Variants in POFUT3 observed in about 807,000 individuals in gnomAD.
POFUT3 encodes the protein GDP-fucose protein O-fucosyltransferase 3.
the POFUT3 span, among the ~76,000 whole-genome samples, chr8:33,387,686 C>A: frequency 1.3e-5 from 2 of 152,160 alleles, no homozygotes; most frequent in African/African-American, 4.8e-5. Context: ...TGCCTGTAGT[C>A]CCAGCTACTC....
chr8:33,455,416 C>T, the POFUT3 span, among the ~76,000 whole-genome samples: 1 of 152,092 alleles, frequency 6.6e-6, no homozygotes, highest in African/African-American at 2.4e-5. Flanking sequence ...CCCAGCTACT[C>T]AGGAGGCTGA....
At chr8:33,403,626 G>A in the POFUT3 span, among the ~76,000 whole-genome samples, 10 of 152,200 alleles carry the variant, frequency 6.6e-5, no homozygotes, top group South Asian at 2.1e-3. Context: ...AGAGTGTGAG[G>A]TGGGATGATG....
the POFUT3 span, among the ~76,000 whole-genome samples, chr8:33,359,316 C>T: frequency 6.6e-6 from 1 of 152,204 alleles, no homozygotes; most frequent in East Asian, 1.9e-4. Flanking sequence ...AGAAGGATCT[C>T]TAAGCCTCAA....
At chr8:33,435,833 AT>A in the POFUT3 span, among the ~76,000 whole-genome samples, 4 of 149,104 alleles carry the variant, frequency 2.7e-5, no homozygotes, top group African/African-American at 5.1e-5. Context: ...GTTTTTATAT[AT>A]TTTTTTTCAA....
chr8:33,310,375 A>G, the POFUT3 span, among the ~76,000 whole-genome samples: 1 of 152,198 alleles, frequency 6.6e-6, no homozygotes. Flanking sequence ...TTCTCTGTCC[A>G]CAGATGTGTT....
chr8:33,321,383 C>T, the POFUT3 span, among the ~76,000 whole-genome samples: 4 of 152,236 alleles, frequency 2.6e-5, no homozygotes, highest in East Asian at 7.7e-4. Context: ...CTTTTTCACT[C>T]ACACATCTGA....
At chr8:33,314,072 C>T in the POFUT3 span, among the ~76,000 whole-genome samples, 1 of 152,154 alleles carries the variant, frequency 6.6e-6, no homozygotes, top group Non-Finnish European at 1.5e-5. Context: ...TTAACACCAT[C>T]CCAATCTGCA....
chr8:33,364,066 T>C, the POFUT3 span, among the ~76,000 whole-genome samples: 3 of 152,302 alleles, frequency 2.0e-5, no homozygotes, highest in South Asian at 6.2e-4. Context: ...AAAAAGCTTA[T>C]CCACCATGAT....
chr8:33,454,913 G>A, the POFUT3 span, among the ~76,000 whole-genome samples: 1 of 151,992 alleles, frequency 6.6e-6, no homozygotes, highest in South Asian at 2.1e-4. Flanking sequence ...TGATCTGCCT[G>A]CCTCAGCCTC....
At chr8:33,451,517 C>T in the POFUT3 span, among the ~76,000 whole-genome samples, 2 of 150,972 alleles carry the variant, frequency 1.3e-5, no homozygotes, top group African/African-American at 4.9e-5. Flanking sequence ...TATGTGTGTA[C>T]ATATGTATAT....
chr8:33,429,485 A>C, the POFUT3 span, among the ~76,000 whole-genome samples: 2 of 152,314 alleles, frequency 1.3e-5, no homozygotes, highest in South Asian at 4.1e-4. Context: ...CTTTCTTCCA[A>C]GGAATAATAC....
chr8:33,338,657 G>T, the POFUT3 span, among the ~76,000 whole-genome samples: 1,930 of 152,286 alleles, frequency 0.013, 38 homozygotes, highest in African/African-American at 0.044. Context: ...TGCAGTATCA[G>T]TAGAGACCAT....
At chr8:33,369,055 T>C in the POFUT3 span, among the ~76,000 whole-genome samples, 1 of 152,230 alleles carries the variant, frequency 6.6e-6, no homozygotes, top group African/African-American at 2.4e-5. Flanking sequence ...CCAGGTACTA[T>C]CATCAACGAT....
the POFUT3 span, among the ~76,000 whole-genome samples, chr8:33,408,918 A>T: frequency 6.6e-6 from 1 of 152,032 alleles, no homozygotes; most frequent in African/African-American, 2.4e-5. Context: ...GCACACTTAA[A>T]ATGTGTGCAT....
At chr8:33,350,971 C>CTTTAT in the POFUT3 span, among the ~76,000 whole-genome samples, 1 of 152,000 alleles carries the variant, frequency 6.6e-6, no homozygotes, top group African/African-American at 2.4e-5. Context: ...CAACAAAGTT[C>CTTTAT]TTTATTTTTA....
At chr8:33,433,439 C>T in the POFUT3 span, among the ~76,000 whole-genome samples, 66 of 151,830 alleles carry the variant, frequency 4.3e-4, no homozygotes, top group African/African-American at 1.1e-3. Context: ...GGTGAAACCC[C>T]GTCTCTACTA....
the POFUT3 span, among the ~76,000 whole-genome samples, chr8:33,363,882 T>G: frequency 1.1e-4 from 16 of 152,072 alleles, no homozygotes; most frequent in Non-Finnish European, 2.2e-4. Flanking sequence ...ACTATTCCAA[T>G]CAATAGAAAA....
the POFUT3 span, among the ~76,000 whole-genome samples, chr8:33,470,655 G>A: frequency 2.6e-5 from 4 of 151,910 alleles, no homozygotes; most frequent in African/African-American, 9.7e-5. Flanking sequence ...CTCATCTCTA[G>A]AAAAAATATA....
the POFUT3 span, among the ~76,000 whole-genome samples, chr8:33,463,528 C>T: frequency 6.6e-6 from 1 of 152,068 alleles, no homozygotes; most frequent in Non-Finnish European, 1.5e-5. Flanking sequence ...GGTGGGCTCC[C>T]CTCTCATGAG....
Sources: gnomAD v4.1 joint callset for allele counts (sites outside exome capture counted in the v4.1 genomes callset) on GRCh38, gnomAD v4.1.1 for gene constraint, MANE v1.5 for transcripts, NCBI Gene and HGNC (gene_info 2026-07-23, HGNC 2026-07-21) for gene names.